The following MARCHF1 variants were observed in gnomAD, a reference collection of about 807,000 sequenced individuals.
The protein encoded by MARCHF1 is membrane associated ring-CH-type finger 1.
MARCHF1 carries 40 observed loss-of-function variants against 54.2 expected under a neutral mutation model. That is an observed-to-expected ratio of 0.74 (90% CI 0.57 to 0.96). The LOEUF is 0.96. Ranked by LOEUF, MARCHF1 falls within the 40% of genes least tolerant of loss-of-function variation. The pLI is 0.00. For synonymous variants in MARCHF1, 236 were observed against 236.3 expected, an observed-to-expected ratio of 1.00 and a Z score of 0.01; for missense variants, 586 against 656.5, an observed-to-expected ratio of 0.89 and a Z score of 1.17.
chr4:163,578,294 G>A (rs28667791), intron 8 of MARCHF1, among the ~76,000 whole-genome samples: 191 of 152,162 alleles, frequency 1.3e-3, no homozygotes, highest in African/African-American at 4.4e-3. Context: ...AACACAAGGT[G>A]ACATTCTTAC....
intron 1 of MARCHF1, among the ~76,000 whole-genome samples, chr4:164,371,404 A>T (rs954075207): frequency 3.3e-5 from 5 of 152,258 alleles, no homozygotes; most frequent in African/African-American, 9.6e-5. Flanking sequence ...AAAACTGAGC[A>T]TAACAAAATT....
chr4:164,039,578 G>C (rs1754081531), intron 2 of MARCHF1, among the ~76,000 whole-genome samples: 1 of 152,010 alleles, frequency 6.6e-6, no homozygotes, highest in Admixed American at 6.6e-5. Context: ...GCATTATCAG[G>C]AAGAACTGTG....
At chr4:163,771,275 C>A (rs1383714704) in intron 4 of MARCHF1, among the ~76,000 whole-genome samples, 1 of 152,144 alleles carries the variant, frequency 6.6e-6, no homozygotes, top group African/African-American at 2.4e-5. Flanking sequence ...CGGGACACAG[C>A]TTTCCACCAC....
intron 2 of MARCHF1, among the ~76,000 whole-genome samples, chr4:164,028,028 T>G (rs1048709734): frequency 6.6e-6 from 1 of 151,922 alleles, no homozygotes; most frequent in Non-Finnish European, 1.5e-5. Context: ...AACCACAATA[T>G]CTCATACTAG....
intron 1 of MARCHF1, among the ~76,000 whole-genome samples, chr4:164,233,529 C>T (rs1732471214): frequency 6.6e-6 from 1 of 152,152 alleles, no homozygotes; most frequent in Admixed American, 6.6e-5. Context: ...GTTTACCTCT[C>T]ATGACATACC....
At position 163,850,594 on chromosome 4, in the gene MARCHF1, A is replaced by G. The variant is rs911658725; in HGVS notation, c.111+3427T>C. 7.2e-5 allele frequency among the ~76,000 whole-genome samples: 11 copies of G among 152,366 alleles called. No individual in the cohort carries two copies. In the South Asian group the frequency reaches 2.1e-3, roughly 29 times the overall value. ...ATTTGAAGCCAAAGCCTATGCTACCATAGCAAAAATCTAAAATATACAGCA... is the reference window on the plus strand; with the variant it reads ...ATTTGAAGCCAAAGCCTATGCTACCGTAGCAAAAATCTAAAATATACAGCA... On this transcript the variant is annotated intron_variant, in intron 4 of 9. Transcript: ENST00000514618.
At chr4:163,734,062 A>T (rs182395565) in intron 4 of MARCHF1, among the ~76,000 whole-genome samples, 36 of 152,340 alleles carry the variant, frequency 2.4e-4, no homozygotes, top group African/African-American at 8.4e-4. Flanking sequence ...GATGTTCAAC[A>T]TAATTAGCTA....
intron 9 of MARCHF1, among the ~76,000 whole-genome samples, chr4:163,531,184 G>T (rs901116596): frequency 2.0e-4 from 30 of 151,788 alleles, no homozygotes; most frequent in African/African-American, 7.0e-4. Flanking sequence ...TTACTATGAA[G>T]AAAAGTTATA....
rs533685593 is a variant in MARCHF1 at position 163,937,397 on chromosome 4, A to T, written c.-39+51104T>A. 3.9e-5 allele frequency among the ~76,000 whole-genome samples: 6 copies of T among 152,112 alleles called. No individual in the cohort carries two copies. The South Asian group carries it at 1.2e-3, about 31-fold the overall frequency. On this transcript the variant is annotated intron_variant, in intron 3 of 9. Transcript: ENST00000514618. Reference sequence around the variant, plus strand: ...TTCTTTATTTTATTATCAATGTCATATGTCTTTTGTCCTTGGAAAAAAGGA... The same window carrying T: ...TTCTTTATTTTATTATCAATGTCATTTGTCTTTTGTCCTTGGAAAAAAGGA...
In MARCHF1 at chr4:163,558,689, G is replaced by A. The variant is rs532263823; in HGVS notation, c.1192-12946C>T. Among the ~76,000 whole-genome samples, 7 of 152,276 alleles carry A rather than the reference G, an allele frequency of 4.6e-5. No homozygotes were observed. In the South Asian group the frequency reaches 1.5e-3, roughly 32 times the overall value. On this transcript the variant is annotated intron_variant, in intron 8 of 9. Coordinates refer to ENST00000514618, the MANE Select transcript of MARCHF1 (RefSeq NM_001394959.1). ...GGCCAGGCATGGTTTTGAAATGTGG[G>A]CTATGTTTAAGCAGATCTCTAAGGA... is the stretch of plus-strand genomic sequence containing the variant.
intron 1 of MARCHF1, among the ~76,000 whole-genome samples, chr4:164,351,759 G>C (rs1561014127): frequency 6.6e-6 from 1 of 152,258 alleles, no homozygotes; most frequent in Middle Eastern, 3.4e-3. Flanking sequence ...AAGCTGGATG[G>C]AGAATGACTT....
At chr4:164,314,735 TCAC>T (rs1249631618) in intron 1 of MARCHF1, among the ~76,000 whole-genome samples, 1 of 152,196 alleles carries the variant, frequency 6.6e-6, no homozygotes, top group East Asian at 1.9e-4. Flanking sequence ...TTGCCTTTCA[TCAC>T]CACTACTTCC....
chr4:164,333,488 T>C (rs7669221), intron 1 of MARCHF1, among the ~76,000 whole-genome samples: 9 of 151,966 alleles, frequency 5.9e-5, no homozygotes, highest in Admixed American at 1.3e-4. Flanking sequence ...GTGATCTGTG[T>C]CTAGAAATTT....
At chr4:164,109,529 A>T (rs1755785228) in intron 2 of MARCHF1, among the ~76,000 whole-genome samples, 1 of 151,802 alleles carries the variant, frequency 6.6e-6, no homozygotes, top group African/African-American at 2.4e-5. Flanking sequence ...CAAGTATTCT[A>T]TTTCCTTAAT....
chr4:163,804,203 A>G (rs1253706037), intron 4 of MARCHF1, among the ~76,000 whole-genome samples: 2 of 152,210 alleles, frequency 1.3e-5, no homozygotes, highest in South Asian at 4.1e-4. Context: ...CATTTTCATA[A>G]TAAGCAACCA....
At chr4:163,548,524 A>G (rs1036755713) in intron 8 of MARCHF1, among the ~76,000 whole-genome samples, 2 of 152,240 alleles carry the variant, frequency 1.3e-5, no homozygotes, top group Admixed American at 1.3e-4. Context: ...CAGACAATAG[A>G]AGCTCTGAAG....
At chr4:164,097,908 C>T (rs1392174627) in intron 2 of MARCHF1, among the ~76,000 whole-genome samples, 1 of 152,172 alleles carries the variant, frequency 6.6e-6, no homozygotes, top group African/African-American at 2.4e-5. Flanking sequence ...AGTTTATCTT[C>T]CGGCTGGCTT....
intron 1 of MARCHF1, among the ~76,000 whole-genome samples, chr4:164,128,381 T>C (rs575292985): frequency 2.6e-5 from 4 of 152,008 alleles, no homozygotes; most frequent in African/African-American, 9.6e-5. Context: ...ACTGAAAAGC[T>C]CTCAGAAAAC....
At chr4:164,102,586 G>T (rs1434492794) in intron 2 of MARCHF1, among the ~76,000 whole-genome samples, 1 of 142,994 alleles carries the variant, frequency 7.0e-6, no homozygotes, top group Admixed American at 7.1e-5. Context: ...TCACCACCAG[G>T]CCTGCCTTAC....
Sources: allele counts gnomAD v4.1 joint callset (sites outside exome capture counted in the v4.1 genomes callset), GRCh38; gene constraint gnomAD v4.1.1; transcripts MANE v1.5; gene names NCBI Gene and HGNC (gene_info 2026-07-23, HGNC 2026-07-21).